The following PDHX variants were observed in gnomAD, a reference collection of about 807,000 sequenced individuals.
PDHX encodes pyruvate dehydrogenase complex component X.
PDHX carries 33 observed loss-of-function variants against 55.3 expected under a neutral mutation model. The observed-to-expected ratio is 0.60, with a 90% CI of 0.45 to 0.80. PDHX has a LOEUF of 0.80. Ranked by LOEUF, PDHX falls within the 30% of genes least tolerant of loss-of-function variation. The pLI is 0.00. For missense variants in PDHX, 622 were observed against 619.9 expected, an observed-to-expected ratio of 1.00 and a Z score of -0.04; for synonymous variants, 226 against 219.4, an observed-to-expected ratio of 1.03 and a Z score of -0.27.
chr11:34,966,052 CTAGT>C (rs1368643890), intron 5 of PDHX, among the ~76,000 whole-genome samples: 2 of 152,008 alleles, frequency 1.3e-5, no homozygotes, highest in Admixed American at 1.3e-4. Context: ...AAGTCTGTAA[CTAGT>C]TATTTTTCAT....
intron 2 of PDHX, among the ~76,000 whole-genome samples, chr11:34,932,350 C>T (rs1044064893): frequency 3.9e-5 from 6 of 151,990 alleles, no homozygotes; most frequent in Admixed American, 2.0e-4. Context: ...AGAGTATTTG[C>T]GATTTCTATC....
At chr11:34,947,828 A>G (rs1854660503) in intron 3 of PDHX, among the ~76,000 whole-genome samples, 2 of 152,194 alleles carry the variant, frequency 1.3e-5, no homozygotes, top group African/African-American at 2.4e-5. Flanking sequence ...TATTTTTATA[A>G]TGGAATATTA....
intron 1 of PDHX, among the ~76,000 whole-genome samples, chr11:34,928,681 T>G (rs1327723929): frequency 6.6e-6 from 1 of 152,184 alleles, no homozygotes; most frequent in Non-Finnish European, 1.5e-5. Flanking sequence ...GTGTTAAGCT[T>G]TATGCACGTT....
At chr11:34,934,879 T>A (rs1323601061) in intron 2 of PDHX, among the ~76,000 whole-genome samples, 2 of 151,686 alleles carry the variant, frequency 1.3e-5, no homozygotes, top group African/African-American at 4.8e-5. Flanking sequence ...GCACCCAGCA[T>A]AGGAATTATT....
At chr11:34,992,278 T>A (rs771270489) in intron 9 of PDHX, 37 bp from the exon 10 acceptor site, 1 of 1,217,696 alleles carries the variant, frequency 8.2e-7, no homozygotes, top group South Asian at 1.2e-5. Flanking sequence ...TGTATAACAT[T>A]TTGTTGGTTG....
intron 3 of PDHX, among the ~76,000 whole-genome samples, chr11:34,951,074 T>G (rs919997869): frequency 7.6e-6 from 1 of 131,782 alleles, no homozygotes; most frequent in African/African-American, 3.4e-5. Context: ...TTTTTTTTTT[T>G]GAGACGCAGT....
At chr11:34,944,734 G>A (rs1478594349) in intron 2 of PDHX, among the ~76,000 whole-genome samples, 1 of 152,018 alleles carries the variant, frequency 6.6e-6, no homozygotes, top group African/African-American at 2.4e-5. Flanking sequence ...TGGTGTGTGA[G>A]GAGGTGTATT....
chr11:34,917,336 G>C (rs936868917), intron 1 of PDHX, among the ~76,000 whole-genome samples: 2 of 152,176 alleles, frequency 1.3e-5, no homozygotes, highest in African/African-American at 4.8e-5. Context: ...ACGGCATCAC[G>C]ATAGACAAAG....
Position 34,936,429 on chromosome 11 carries a change from G to T in PDHX, c.241+4945G>T, listed in dbSNP as rs562097956. On this transcript the variant is annotated intron_variant, in intron 2 of 10. Transcript: ENST00000227868. Reference sequence around the variant, plus strand: ...TCAGTTAGTAAAGGTAATGGCAGAGGGGAAAGTAAGCCAAAAGCAGGGTAC... The same window carrying T: ...TCAGTTAGTAAAGGTAATGGCAGAGTGGAAAGTAAGCCAAAAGCAGGGTAC... 1.1e-4 allele frequency among the ~76,000 whole-genome samples: 16 copies of T among 152,266 alleles called. No individual in the cohort carries two copies. The South Asian group carries it at 3.3e-3, about 32-fold the overall frequency.
chr11:34,984,276 C>A (rs1215462865), intron 8 of PDHX, among the ~76,000 whole-genome samples: 2 of 152,154 alleles, frequency 1.3e-5, no homozygotes, highest in Non-Finnish European at 2.9e-5. Context: ...TAAATAACTT[C>A]TTGCAATCAG....
chr11:34,928,208 T>C (rs1854067746), intron 1 of PDHX, among the ~76,000 whole-genome samples: 1 of 152,098 alleles, frequency 6.6e-6, no homozygotes, highest in South Asian at 2.1e-4. Context: ...ATTAAGTTAG[T>C]ATTTGTCGTA....
At chr11:34,943,043 G>T (rs748154145) in intron 2 of PDHX, among the ~76,000 whole-genome samples, 10 of 134,446 alleles carry the variant, frequency 7.4e-5, no homozygotes, top group Non-Finnish European at 1.3e-4. Flanking sequence ...ATAAGGATTC[G>T]TGAAGTTATC....
At chr11:34,917,102 C>T (rs1379332737) in intron 1 of PDHX, among the ~76,000 whole-genome samples, 1 of 152,154 alleles carries the variant, frequency 6.6e-6, no homozygotes, top group African/African-American at 2.4e-5. Context: ...GGTTCCCAAA[C>T]TCTCCTCCCT....
At chr11:34,946,536 A>G (rs1305356955) in intron 2 of PDHX, among the ~76,000 whole-genome samples, 4 of 152,200 alleles carry the variant, frequency 2.6e-5, no homozygotes, top group Non-Finnish European at 5.9e-5. Flanking sequence ...CCTCCTACGC[A>G]GTCCCCCCTC....
At chr11:34,946,431 G>A (rs1854621502) in intron 2 of PDHX, among the ~76,000 whole-genome samples, 1 of 152,062 alleles carries the variant, frequency 6.6e-6, no homozygotes, top group Non-Finnish European at 1.5e-5. Flanking sequence ...TACTGATTTT[G>A]TGGCTTGCTT....
intron 9 of PDHX, among the ~76,000 whole-genome samples, chr11:34,988,906 T>G (rs1224541248): frequency 1.3e-5 from 2 of 152,240 alleles, no homozygotes; most frequent in Admixed American, 1.3e-4. Context: ...TTATTAGTTA[T>G]TGTTAATCTC....
At chr11:34,928,500 G>C (rs1245491054) in intron 1 of PDHX, among the ~76,000 whole-genome samples, 2 of 131,688 alleles carry the variant, frequency 1.5e-5, no homozygotes, top group South Asian at 2.7e-4. Context: ...AAGTGAGTTT[G>C]TTATTCTGAG....
At chr11:34,992,827 T>C (rs1855784892) in intron 10 of PDHX, among the ~76,000 whole-genome samples, 1 of 152,152 alleles carries the variant, frequency 6.6e-6, no homozygotes, top group Non-Finnish European at 1.5e-5. Context: ...AACATTCTTA[T>C]TAGTGTCTTA....
intron 8 of PDHX, 58 bp from the exon 9 acceptor site, chr11:34,984,512 G>C: frequency 7.0e-7 from 1 of 1,436,260 alleles, no homozygotes; most frequent in South Asian, 1.2e-5. Flanking sequence ...TTATTTTTCT[G>C]TAACCGCCTT....
Sources: allele counts gnomAD v4.1 joint callset (sites outside exome capture counted in the v4.1 genomes callset), GRCh38; gene constraint gnomAD v4.1.1; transcripts MANE v1.5; gene names NCBI Gene and HGNC (gene_info 2026-07-23, HGNC 2026-07-21).